WWC2: variants seen among roughly 807,000 people sequenced by gnomAD.
WWC2 encodes WW and C2 domain containing 2.
A neutral mutation model predicts 138.5 loss-of-function variants in WWC2; 101 were observed. The ratio of observed to expected loss-of-function variants is 0.73; its 90% CI spans 0.62 to 0.86. WWC2 has a LOEUF of 0.86. Among genes scored for constraint, WWC2 ranks in the 40% least tolerant of loss-of-function variants. The pLI, the probability that WWC2 is intolerant of heterozygous loss-of-function variation, is 0.00. For missense variants in WWC2, 1,420 were observed against 1,419.4 expected, an observed-to-expected ratio of 1.00 and a Z score of -0.01; for synonymous variants, 558 against 538.4, an observed-to-expected ratio of 1.04 and a Z score of -0.50.
intron 4 of WWC2, among the ~76,000 whole-genome samples, chr4:183,223,283 T>C (rs1290913060): frequency 6.6e-6 from 1 of 152,246 alleles, no homozygotes; most frequent in African/African-American, 2.4e-5. Context: ...ATAGCAGAAT[T>C]GCCCAACATC....
rs146255945 is a variant in WWC2 at position 183,156,789 on chromosome 4, A to G, written c.132-36810A>G. ...TTGGAAATAATTTCATACTTACAGT[A>G]TAGATGCAAAAAGAGTACAAAGAAT... On this transcript the variant is annotated intron_variant, in intron 1 of 22. Transcript: ENST00000403733. Among the ~76,000 whole-genome samples, 5 of 152,340 alleles carry G rather than the reference A, an allele frequency of 3.3e-5. No homozygotes were observed. The East Asian group carries it at 7.7e-4, about 24-fold the overall frequency.
chr4:183,251,752 A>C (rs1177511123), intron 8 of WWC2, among the ~76,000 whole-genome samples: 1 of 152,174 alleles, frequency 6.6e-6, no homozygotes, highest in African/African-American at 2.4e-5. Context: ...TTTGTTTTAA[A>C]GTTACTAGTG....
chr4:183,287,685 G>GTAT (rs1274464503), intron 20 of WWC2, among the ~76,000 whole-genome samples: 1 of 152,202 alleles, frequency 6.6e-6, no homozygotes, highest in Non-Finnish European at 1.5e-5. Context: ...GAGGACAAAA[G>GTAT]TATCTGCAAA....
In WWC2 at chr4:183,299,108, C is replaced by T. The variant is rs182850794; in HGVS notation, c.3384+9473C>T. ...GGCTGGAAAGTCCAAGATCCAGAGG[C>T]TGCAGCTGGCAAGGCCCTTCTTGCT... On this transcript the variant is annotated intron_variant, in intron 21 of 22. Transcript: ENST00000403733. Among the ~76,000 whole-genome samples the T allele has an allele frequency of 4.7e-3, 714 of 152,278 alleles. 6 individuals carry two copies. The highest frequency in any genetic ancestry group is 0.016 in the African/African-American group (685 of 41,560).
chr4:183,103,827 G>A lies in WWC2; in HGVS notation c.131+4205G>A, dbSNP rs566756499. On this transcript the variant is annotated intron_variant, in intron 1 of 22. Transcript: ENST00000403733. ...TTTTTTGTATTTTTGGTAGAGATGG[G>A]GTTTCACCATGTTGGCCAGGATGAT... is the stretch of plus-strand genomic sequence containing the variant. Among the ~76,000 whole-genome samples the A allele has an allele frequency of 3.7e-4, 55 of 149,536 alleles. No individual in the cohort carries two copies. The South Asian group carries it at 0.011, about 31-fold the overall frequency.
chr4:183,270,549 A>AG (rs1737666000), intron 15 of WWC2, among the ~76,000 whole-genome samples: 2 of 152,118 alleles, frequency 1.3e-5, no homozygotes, highest in African/African-American at 4.8e-5. Flanking sequence ...AGATCACCTG[A>AG]GGTCAGGAGT....
chr4:183,319,535 C>T lies in WWC2; in HGVS notation c.*3806C>T. 1 of 1,584,880 alleles carries T rather than the reference C, an allele frequency of 6.3e-7. No individual in the cohort carries two copies. On this transcript the variant is annotated 3_prime_UTR_variant, in exon 23 of 23. Coordinates refer to ENST00000403733, the MANE Select transcript of WWC2 (RefSeq NM_024949.6). ...TGTTGAGCAAGCGTCTCCTGAACAG[C>T]AGACGCTTGTCCTTTCTGGCTTAGT...
intron 18 of WWC2, among the ~76,000 whole-genome samples, chr4:183,283,315 T>TA (rs780993480): frequency 1.3e-5 from 2 of 152,238 alleles, no homozygotes; most frequent in Non-Finnish European, 2.9e-5. Context: ...GATGCCCTGA[T>TA]TAGAAAAGTG....
chr4:183,247,871 A>G (rs1213401996), intron 6 of WWC2, among the ~76,000 whole-genome samples: 1 of 147,272 alleles, frequency 6.8e-6, no homozygotes. Context: ...TGATATTTCT[A>G]ATTCCTCCTA....
At chr4:183,136,677 A>G (rs1733123899) in intron 1 of WWC2, among the ~76,000 whole-genome samples, 1 of 152,220 alleles carries the variant, frequency 6.6e-6, no homozygotes, top group South Asian at 2.1e-4. Flanking sequence ...GACAGCTTTG[A>G]ATGCAGCCCA....
At chr4:183,148,860 C>G (rs1243409670) in intron 1 of WWC2, among the ~76,000 whole-genome samples, 1 of 152,120 alleles carries the variant, frequency 6.6e-6, no homozygotes, top group Non-Finnish European at 1.5e-5. Flanking sequence ...GGCACAGTAG[C>G]TCATGCCTGC....
chr4:183,273,214 A>G (rs909592619), intron 16 of WWC2, among the ~76,000 whole-genome samples: 1 of 128,318 alleles, frequency 7.8e-6, no homozygotes, highest in African/African-American at 2.7e-5. Context: ...TCACAGCCTT[A>G]TTGGCCATTA....
chr4:183,100,179 GC>G (rs1743128353), intron 1 of WWC2, among the ~76,000 whole-genome samples: 1 of 152,234 alleles, frequency 6.6e-6, no homozygotes, highest in African/African-American at 2.4e-5. Context: ...GACTGACTTT[GC>G]CCCTCAGAGT....
At chr4:183,250,791 G>A (rs575314489) in intron 8 of WWC2, among the ~76,000 whole-genome samples, 5 of 151,996 alleles carry the variant, frequency 3.3e-5, no homozygotes, top group East Asian at 1.9e-4. Flanking sequence ...CTGCATTATC[G>A]TCCTGCAAGA....
chr4:183,106,241 C>T (rs557822117), intron 1 of WWC2, among the ~76,000 whole-genome samples: 2 of 152,190 alleles, frequency 1.3e-5, no homozygotes, highest in African/African-American at 4.8e-5. Flanking sequence ...ATCTCAGCCT[C>T]CCAAAATGCT....
At chr4:183,163,252 A>G (rs932863680) in intron 1 of WWC2, among the ~76,000 whole-genome samples, 1 of 152,182 alleles carries the variant, frequency 6.6e-6, no homozygotes, top group Non-Finnish European at 1.5e-5. Context: ...GTTGACTGCC[A>G]GTAGCTCCTC....
intron 4 of WWC2, among the ~76,000 whole-genome samples, chr4:183,237,717 G>A (rs1207877572): frequency 1.3e-5 from 2 of 152,204 alleles, no homozygotes; most frequent in East Asian, 1.9e-4. Flanking sequence ...TAAACTCAAC[G>A]GATATGTTAT....
chr4:183,176,045 G>A (rs2111173134), intron 1 of WWC2, among the ~76,000 whole-genome samples: 1 of 152,260 alleles, frequency 6.6e-6, no homozygotes. Flanking sequence ...ATGCATTTTT[G>A]TTTATGAATA....
chr4:183,264,220 C>T (rs937155867), intron 11 of WWC2, among the ~76,000 whole-genome samples: 4 of 152,190 alleles, frequency 2.6e-5, no homozygotes, highest in African/African-American at 9.7e-5. Flanking sequence ...GATGTAAAGT[C>T]ACGGCTCAGA....
Sources: allele counts gnomAD v4.1 joint callset (sites outside exome capture counted in the v4.1 genomes callset), GRCh38; gene constraint gnomAD v4.1.1; transcripts MANE v1.5; gene names NCBI Gene and HGNC (gene_info 2026-07-23, HGNC 2026-07-21).